IGF1R: variants seen among roughly 807,000 people sequenced by gnomAD.
IGF1R encodes insulin-like growth factor 1 receptor.
In IGF1R, 44 loss-of-function variants were observed where a neutral mutation model predicts 144.6. The ratio of observed to expected loss-of-function variants is 0.30; its 90% CI spans 0.24 to 0.39. The LOEUF is 0.39. Among genes scored for constraint, IGF1R ranks in the 10% least tolerant of loss-of-function variants. IGF1R has a pLI of 1.00. For synonymous variants in IGF1R, 795 were observed against 722.8 expected (o/e 1.10, Z -1.60); for missense variants, 1,355 against 1,833.7 (o/e 0.74, Z 4.77).
intron 5 of IGF1R, among the ~76,000 whole-genome samples, chr15:98,902,652 G>C (rs948885646): frequency 6.6e-6 from 1 of 152,140 alleles, no homozygotes; most frequent in East Asian, 1.9e-4. Flanking sequence ...CTGACCTTGT[G>C]ATCCGCCCGC....
intron 1 of IGF1R, among the ~76,000 whole-genome samples, chr15:98,683,023 C>T (rs917588505): frequency 3.3e-5 from 5 of 150,596 alleles, no homozygotes; most frequent in Non-Finnish European, 7.4e-5. Context: ...ATCTCGTGTG[C>T]ACTGCTAGAT....
At chr15:98,695,025 A>C (rs1475322046) in intron 1 of IGF1R, among the ~76,000 whole-genome samples, 1 of 152,220 alleles carries the variant, frequency 6.6e-6, no homozygotes. Flanking sequence ...TTGTATGTGC[A>C]GGAGGAGTTC....
chr15:98,689,160 A>AT (rs1321946114), intron 1 of IGF1R, among the ~76,000 whole-genome samples: 3 of 147,818 alleles, frequency 2.0e-5, no homozygotes, highest in East Asian at 2.0e-4. Flanking sequence ...TATCTTGCAG[A>AT]TTTTTTTTGG....
At chr15:98,780,548 T>C (rs1351952512) in intron 2 of IGF1R, among the ~76,000 whole-genome samples, 2 of 17,534 alleles carry the variant, frequency 1.1e-4, no homozygotes, top group African/African-American at 2.5e-4. Context: ...AAACTCTGTC[T>C]CAAAAAAAAA....
chr15:98,902,848 G>A (rs759679464), intron 5 of IGF1R, among the ~76,000 whole-genome samples: 3 of 152,162 alleles, frequency 2.0e-5, no homozygotes, highest in Non-Finnish European at 4.4e-5. Context: ...CTTCAACTCT[G>A]ACAACCTTGG....
intron 2 of IGF1R, among the ~76,000 whole-genome samples, chr15:98,767,025 G>A (rs925746749): frequency 2.6e-5 from 4 of 152,066 alleles, no homozygotes; most frequent in African/African-American, 7.2e-5. Context: ...CTTTCCGCCC[G>A]TTAATTGCCT....
chr15:98,674,836 A>G (rs1367456475), intron 1 of IGF1R, among the ~76,000 whole-genome samples: 1 of 152,142 alleles, frequency 6.6e-6, no homozygotes, highest in African/African-American at 2.4e-5. Flanking sequence ...ATTTAAAAAA[A>G]TGAAATTAGT....
At chr15:98,662,360 C>G (rs569486092) in intron 1 of IGF1R, among the ~76,000 whole-genome samples, 1 of 152,078 alleles carries the variant, frequency 6.6e-6, no homozygotes, top group Non-Finnish European at 1.5e-5. Flanking sequence ...GTTGAAACCA[C>G]TAAGTAACCA....
chr15:98,864,794 A>G (rs962123741), intron 2 of IGF1R, among the ~76,000 whole-genome samples: 2 of 152,130 alleles, frequency 1.3e-5, no homozygotes, highest in Non-Finnish European at 2.9e-5. Context: ...AAAGATTTAT[A>G]CTCCTCAAGT....
At chr15:98,665,837 C>G (rs140097808) in intron 1 of IGF1R, among the ~76,000 whole-genome samples, 4 of 152,342 alleles carry the variant, frequency 2.6e-5, no homozygotes, top group African/African-American at 4.8e-5. Flanking sequence ...CTCTCTTGCT[C>G]TGCTCCCTGG....
At chr15:98,650,994 T>C in intron 1 of IGF1R, 6 of 985,238 alleles carry the variant, frequency 6.1e-6, no homozygotes, top group Non-Finnish European at 7.2e-6. Flanking sequence ...TGTGGCTTAC[T>C]GGTACATTCA....
chr15:98,939,570 A>G (rs1200758475), intron 18 of IGF1R, among the ~76,000 whole-genome samples: 1 of 152,218 alleles, frequency 6.6e-6, no homozygotes, highest in Non-Finnish European at 1.5e-5. Flanking sequence ...ATGGTGGTTC[A>G]GATACTGGGC....
intron 2 of IGF1R, among the ~76,000 whole-genome samples, chr15:98,747,782 G>C (rs1307492451): frequency 6.6e-6 from 1 of 152,204 alleles, no homozygotes; most frequent in Admixed American, 6.5e-5. Context: ...GCTAGAGAGA[G>C]ATGATACTAT....
chr15:98,788,623 A>C (rs1267011412), intron 2 of IGF1R, among the ~76,000 whole-genome samples: 2 of 152,210 alleles, frequency 1.3e-5, no homozygotes, highest in East Asian at 3.9e-4. Flanking sequence ...GCAAGTTTGC[A>C]AACGGTCTAT....
rs2151644200 is a variant in IGF1R, at chr15:98,891,329, C to T, written c.645C>T (p.Cys215=). ...GTCTCTCCTCTCTCTCCACAGTGTGCCCAAGCACGTGTGGGAAGCGGGCGT... is the reference window on the plus strand; with the variant it reads ...GTCTCTCCTCTCTCTCCACAGTGTGTCCAAGCACGTGTGGGAAGCGGGCGT... ...CWTTNRCQKM[C]PSTCGKRACT... is the part of the protein sequence containing the mutation. Residue 215 remains cysteine (C), a synonymous_variant, in exon 3 of 21, where the codon TGC becomes TGT. Transcript: ENST00000650285. The surrounding 1 kb of genome is among the most constrained non-coding windows in gnomAD (Gnocchi z 4.7). The T allele has an allele frequency of 1.2e-6, 2 of 1,605,814 alleles. No individual in the cohort carries two copies. The highest frequency in any genetic ancestry group is 1.7e-6 in the Non-Finnish European group (2 of 1,179,902).
At chr15:98,778,285 A>C (rs185609496) in intron 2 of IGF1R, among the ~76,000 whole-genome samples, 1 of 152,174 alleles carries the variant, frequency 6.6e-6, no homozygotes, top group East Asian at 1.9e-4. Flanking sequence ...GGCATGTTCT[A>C]TCTGTCTTTG....
intron 2 of IGF1R, among the ~76,000 whole-genome samples, chr15:98,798,049 G>A (rs1045161043): frequency 2.0e-5 from 3 of 152,172 alleles, no homozygotes; most frequent in African/African-American, 7.2e-5. Flanking sequence ...TCGATTATTC[G>A]CTCCACAAAT....
chr15:98,918,531 T>C (rs1406810400), intron 10 of IGF1R, among the ~76,000 whole-genome samples: 2 of 152,118 alleles, frequency 1.3e-5, no homozygotes, highest in African/African-American at 4.8e-5. Flanking sequence ...CTTTTGAGAG[T>C]GCGCCTCTTC....
intron 2 of IGF1R, among the ~76,000 whole-genome samples, chr15:98,878,571 G>A (rs1428173865): frequency 7.0e-6 from 1 of 141,920 alleles, no homozygotes; most frequent in South Asian, 2.2e-4. Context: ...GTGTCTTTAC[G>A]TACACATGCC....
Sources: allele counts gnomAD v4.1 joint callset (sites outside exome capture counted in the v4.1 genomes callset), GRCh38; gene constraint gnomAD v4.1.1; non-coding constraint Gnocchi (gnomAD v3.1); transcripts MANE v1.5; gene names NCBI Gene and HGNC (gene_info 2026-07-23, HGNC 2026-07-21).